STIM1: variants seen among roughly 807,000 people sequenced by gnomAD.
The protein encoded by STIM1 is stromal interaction molecule 1.
Under a neutral mutation model 74.7 loss-of-function variants are expected in STIM1, and 25 were observed. That is an observed-to-expected ratio of 0.33 (90% CI 0.24 to 0.47). STIM1 has a LOEUF of 0.47. Among genes scored for constraint, STIM1 ranks in the 20% least tolerant of loss-of-function variants. The pLI, the probability that STIM1 is intolerant of heterozygous loss-of-function variation, is 1.00. For missense variants in STIM1, 728 were observed against 920.8 expected, an observed-to-expected ratio of 0.79 and a Z score of 2.71; for synonymous variants, 328 against 348.8, an observed-to-expected ratio of 0.94 and a Z score of 0.66.
chr11:4,059,211 G>T, intron 4 of STIM1, 70 bp from the exon 5 acceptor site: 2 of 1,316,740 alleles, frequency 1.5e-6, no homozygotes, highest in Non-Finnish European at 2.2e-6. Context: ...TGGGGGAGGC[G>T]GGTAATCCTA....
Position 4,034,768 on chromosome 11 carries a change from T to C in STIM1, c.385+10781T>C, listed in dbSNP as rs150740077. 3.8e-3 allele frequency among the ~76,000 whole-genome samples: 580 copies of C among 152,280 alleles called. 3 individuals carry two copies. The highest frequency in any genetic ancestry group is 0.013 in the African/African-American group (545 of 41,570). On this transcript the variant is annotated intron_variant, in intron 3 of 12. Transcript: ENST00000526596. ...TAGAGTTTTCTTTGTGGGAAGGTTT[T>C]TAATTATAGTGTCAATTTCTTTAAT...
chr11:3,910,529 A>G (rs1408562059), intron 1 of STIM1, among the ~76,000 whole-genome samples: 2 of 152,054 alleles, frequency 1.3e-5, no homozygotes, highest in Non-Finnish European at 2.9e-5. Context: ...GGAGTTCAAG[A>G]CCAGCCTAGG....
chr11:3,949,781 G>A lies in STIM1; in HGVS notation c.140-17771G>A, dbSNP rs551732235. 3.7e-4 allele frequency among the ~76,000 whole-genome samples: 57 copies of A among 152,240 alleles called. 1 individual carries two copies. The South Asian group carries it at 0.011, about 30-fold the overall frequency. On this transcript the variant is annotated intron_variant, in intron 1 of 12. Transcript: ENST00000526596. ...GCAGTTTCCTCCATGGTAACATTTT[G>A]GACAAGCTGTAGTATATCATGGCCA...
chr11:4,049,410 G>T (rs117075951), intron 3 of STIM1: 1 of 147,650 alleles, frequency 6.8e-6, no homozygotes, highest in African/African-American at 2.5e-5. Flanking sequence ...TTGCAACCTC[G>T]ACCTCCGAGG....
At chr11:3,977,596 A>G (rs1264320483) in intron 2 of STIM1, among the ~76,000 whole-genome samples, 1 of 152,250 alleles carries the variant, frequency 6.6e-6, no homozygotes, top group African/African-American at 2.4e-5. Context: ...CATGTAAAGC[A>G]CTTAATACAA....
At chr11:3,872,445 G>A (rs1445887215) in intron 1 of STIM1, among the ~76,000 whole-genome samples, 1 of 151,986 alleles carries the variant, frequency 6.6e-6, no homozygotes, top group Non-Finnish European at 1.5e-5. Context: ...TTGGGGAAAT[G>A]TAAAAGTTCA....
At position 4,037,768 on chromosome 11, in the gene STIM1, G is replaced by A. The variant is rs891443309; in HGVS notation, c.385+13781G>A. On this transcript the variant is annotated intron_variant, in intron 3 of 12. Coordinates refer to ENST00000526596, the MANE Select transcript of STIM1 (RefSeq NM_001382567.1). The stretch of plus-strand genomic sequence containing the variant: ...TAATTGCATTATTTAGACCATTTAC[G>A]TTTGGTGTGATTATTAATATGATTA... 7.2e-5 allele frequency among the ~76,000 whole-genome samples: 11 copies of A among 151,910 alleles called. No individual in the cohort carries two copies. In the East Asian group the frequency reaches 7.7e-4, roughly 11 times the overall value.
Position 3,919,909 on chromosome 11 carries a change from C to T in STIM1, c.140-47643C>T, listed in dbSNP as rs546829662. Among the ~76,000 whole-genome samples, 9 of 152,202 alleles carry T rather than the reference C, an allele frequency of 5.9e-5. No homozygotes were observed. The South Asian group carries it at 1.9e-3, about 32-fold the overall frequency. On this transcript the variant is annotated intron_variant, in intron 1 of 12. Coordinates refer to ENST00000526596, the MANE Select transcript of STIM1 (RefSeq NM_001382567.1). ...CCTGGACAACATAGCAAGAATCAGT[C>T]TGCACAAAAAATTAAAAAATTAGTC...
At chr11:3,885,450 G>A (rs558829666) in intron 1 of STIM1, among the ~76,000 whole-genome samples, 147 of 152,270 alleles carry the variant, frequency 9.7e-4, no homozygotes, top group Non-Finnish European at 1.5e-3. Context: ...GCCTCCCAAA[G>A]TTTGGGATTA....
chr11:3,982,139 A>G (rs1241562263), intron 2 of STIM1, among the ~76,000 whole-genome samples: 2 of 150,322 alleles, frequency 1.3e-5, no homozygotes, highest in African/African-American at 4.9e-5. Context: ...CAATCTTCCA[A>G]CTACAGCCTC....
At chr11:3,904,214 A>G (rs59865073) in intron 1 of STIM1, among the ~76,000 whole-genome samples, 2 of 150,568 alleles carry the variant, frequency 1.3e-5, no homozygotes, top group African/African-American at 2.4e-5. Context: ...AAAAAAAAAA[A>G]AAAAAGAAAA....
intron 3 of STIM1, among the ~76,000 whole-genome samples, chr11:4,049,779 A>G (rs1428667684): frequency 6.7e-6 from 1 of 149,112 alleles, no homozygotes; most frequent in Non-Finnish European, 1.5e-5. Flanking sequence ...TAGAACGTGA[A>G]TGATGGAGCC....
chr11:3,897,587 G>A (rs1053497279), intron 1 of STIM1, among the ~76,000 whole-genome samples: 2 of 151,972 alleles, frequency 1.3e-5, no homozygotes, highest in Admixed American at 1.3e-4. Flanking sequence ...ATGTATACCT[G>A]TGCCATGCTG....
chr11:3,905,064 G>C (rs1170749159), intron 1 of STIM1, among the ~76,000 whole-genome samples: 1 of 152,098 alleles, frequency 6.6e-6, no homozygotes, highest in Non-Finnish European at 1.5e-5. Flanking sequence ...GGGGCAATCA[G>C]AGAGGCAAGA....
At position 3,862,607 on chromosome 11, in the gene STIM1, C is replaced by T. The variant is rs115804120; in HGVS notation, c.139+6198C>T. On this transcript the variant is annotated intron_variant, in intron 1 of 12. Coordinates refer to ENST00000526596, the MANE Select transcript of STIM1 (RefSeq NM_001382567.1). ...AGTACTGCATATTGGCCATCACACC[C>T]GGCTAATTTTTTGTATTTTTAGTAG... 9.8e-3 allele frequency among the ~76,000 whole-genome samples: 1,494 copies of T among 152,150 alleles called. 19 individuals carry two copies. Among genetic ancestry groups the T allele is most frequent in the African/African-American group, 0.033 (1,357 of 41,490 alleles).
At chr11:3,966,549 T>G (rs1394959301) in intron 1 of STIM1, among the ~76,000 whole-genome samples, 1 of 152,228 alleles carries the variant, frequency 6.6e-6, no homozygotes, top group Non-Finnish European at 1.5e-5. Flanking sequence ...AGTTAAGATC[T>G]ATCTTCTTTG....
At chr11:4,009,566 C>T (rs536765464) in intron 2 of STIM1, among the ~76,000 whole-genome samples, 123 of 151,814 alleles carry the variant, frequency 8.1e-4, no homozygotes, top group African/African-American at 2.9e-3. Context: ...TGAGATCATG[C>T]CACTGCACTC....
In STIM1 at chr11:4,055,501, T is replaced by A. The variant is rs181620826; in HGVS notation, c.386-25T>A. On this transcript the variant is annotated intron_variant, in intron 3 of 12. Coordinates refer to ENST00000526596, the MANE Select transcript of STIM1 (RefSeq NM_001382567.1). ...AGCAGTGCTTGGCATTCTAGAGTCA[T>A]GGCTTTGCTTGTCTCTTTTCACAGT... 6.5e-4 allele frequency: 995 copies of A among 1,539,846 alleles called. 9 individuals carry two copies. In the African/African-American group the frequency reaches 0.012, roughly 19 times the overall value.
intron 1 of STIM1, among the ~76,000 whole-genome samples, chr11:3,893,848 G>A (rs2091972952): frequency 6.6e-6 from 1 of 151,928 alleles, no homozygotes; most frequent in African/African-American, 2.4e-5. Flanking sequence ...GTAGAGATGG[G>A]GTCAATATCA....
Sources: gnomAD v4.1 joint callset for allele counts (sites outside exome capture counted in the v4.1 genomes callset) on GRCh38, gnomAD v4.1.1 for gene constraint, MANE v1.5 for transcripts, NCBI Gene and HGNC (gene_info 2026-07-23, HGNC 2026-07-21) for gene names.